Variants in DEAF1 observed in about 807,000 individuals in gnomAD.
DEAF1 encodes the protein deformed epidermal autoregulatory factor 1 homolog.
A neutral mutation model predicts 58.9 loss-of-function variants in DEAF1; 53 were observed. That is an observed-to-expected ratio of 0.90 (90% CI 0.72 to 1.13). DEAF1 has a LOEUF of 1.13. DEAF1 is among the 50% of genes most tolerant of loss of function. The pLI, the probability that DEAF1 is intolerant of heterozygous loss-of-function variation, is 0.00. For missense variants in DEAF1, 685 were observed against 791.4 expected (o/e 0.87, Z 1.61); for synonymous variants, 385 against 340.4 (o/e 1.13, Z -1.44).
At chr11:704,043 C>CA in intron 1 of DEAF1, 4 of 1,174,302 alleles carry the variant, frequency 3.4e-6, no homozygotes, top group Non-Finnish European at 4.2e-6. Flanking sequence ...TGTGTGTTTT[C>CA]TATGTTTGGA....
At chr11:699,415 T>C (rs1861343004), upstream of DEAF1, 1 of 153,276 alleles carries the variant, frequency 6.5e-6, no homozygotes, top group African/African-American at 2.5e-5. Context: ...TACTAGATAC[T>C]TAAGTCCCCC....
upstream of DEAF1, chr11:699,263 C>A (rs1861337510): frequency 7.0e-6 from 2 of 284,212 alleles, no homozygotes; most frequent in African/African-American, 4.4e-5. Flanking sequence ...CTTCCTCTCA[C>A]CCAGGCTGGA....
intron 7 of DEAF1, among the ~76,000 whole-genome samples, chr11:680,435 CCTGT>C (rs1296238315): frequency 2.0e-5 from 3 of 152,212 alleles, no homozygotes; most frequent in Non-Finnish European, 4.4e-5. Flanking sequence ...CCATTTAAAT[CCTGT>C]CTGTACAAAA....
intron 6 of DEAF1, 90 bp downstream of exon 6, chr11:684,808 G>T (rs1440199095): frequency 1.7e-6 from 2 of 1,154,018 alleles, no homozygotes; most frequent in Non-Finnish European, 2.5e-6. Flanking sequence ...GGGCAGGAGG[G>T]AAACAGCCGA....
At chr11:703,592 C>G (rs1392007690) in intron 1 of DEAF1, 7 of 1,233,160 alleles carry the variant, frequency 5.7e-6, no homozygotes, top group Admixed American at 8.4e-5. Flanking sequence ...TCCCAGTTTA[C>G]TCCGTGGCCA....
intron 11 of DEAF1, among the ~76,000 whole-genome samples, chr11:650,040 CA>C (rs1484425229): frequency 7.1e-6 from 1 of 140,270 alleles, no homozygotes; most frequent in Admixed American, 7.2e-5. Flanking sequence ...AAAACAAAAA[CA>C]AAAACAAAAA....
At chr11:679,878 G>A (rs1041454608) in intron 7 of DEAF1, 62 bp from the exon 8 acceptor site, 32 of 1,604,176 alleles carry the variant, frequency 2.0e-5, no homozygotes, top group Admixed American at 3.3e-5. Context: ...CACAGGTCCC[G>A]TGCCACCCAC....
rs6597997 is a variant in DEAF1 at position 674,458 on chromosome 11, G to A, written c.1503+78C>T. 876,377 of 1,601,288 alleles carry A rather than the reference G, an allele frequency of 0.55. 244,472 individuals are homozygous for A. The highest frequency in any genetic ancestry group is 0.73 in the East Asian group (32,943 of 44,836). ...GGCCTTGTGAGCCAAGGTGGGGCTTGCGCAGCTGGGCACAGGCACCAGGGT... is the reference window on the plus strand; with the variant it reads ...GGCCTTGTGAGCCAAGGTGGGGCTTACGCAGCTGGGCACAGGCACCAGGGT... On this transcript the variant is annotated intron_variant, in intron 10 of 11. Transcript: ENST00000382409.
Position 679,680 on chromosome 11 carries a change from C to T in DEAF1, c.1126+8G>A. 6.2e-7 allele frequency: 1 copy of T among 1,611,148 alleles called. No individual in the cohort carries two copies. On this transcript the variant is annotated splice_region_variant and intron_variant, in intron 8 of 11. Transcript: ENST00000382409. ...AGGACGCGTCAGGCAGGCACTGGAG[C>T]AGCTCACCTGTGGCCCCTGCGAAGA...
intron 10 of DEAF1, among the ~76,000 whole-genome samples, chr11:655,828 TTTATTATTA>T (rs150500228): frequency 2.0e-5 from 3 of 151,494 alleles, no homozygotes; most frequent in Non-Finnish European, 2.9e-5. Context: ...ACTTTATTTA[TTTATTATTA>T]TTATTATTTT....
chr11:678,957 T>C (rs1860207239), intron 8 of DEAF1, 135 bp from the exon 9 acceptor site: 6 of 1,164,686 alleles, frequency 5.2e-6, no homozygotes, highest in Admixed American at 2.6e-5. Flanking sequence ...GCCCCTGAAA[T>C]GTGGTGATCC....
chr11:698,071 C>T (rs931913412), upstream of DEAF1: 6 of 152,270 alleles, frequency 3.9e-5, no homozygotes, highest in African/African-American at 1.2e-4. Flanking sequence ...GCAGCTTGAG[C>T]CTCCTTTTAT....
chr11:687,113 G>A (rs1341113149), intron 4 of DEAF1, 116 bp from the exon 5 acceptor site: 3 of 1,476,930 alleles, frequency 2.0e-6, no homozygotes, highest in Admixed American at 3.6e-5. Flanking sequence ...AGCGGCTCAT[G>A]TGATCTCACC....
At chr11:684,123 CTTT>C (rs34831036) in intron 6 of DEAF1, among the ~76,000 whole-genome samples, 1 of 143,816 alleles carries the variant, frequency 7.0e-6, no homozygotes, top group Non-Finnish European at 1.5e-5. Flanking sequence ...TCTCCATGCT[CTTT>C]TTTTTTTTTT....
intron 11 of DEAF1, chr11:651,414 G>GAA (rs200274966): frequency 3.5e-3 from 821 of 233,794 alleles, no homozygotes; most frequent in Middle Eastern, 8.1e-3. Flanking sequence ...ATCTCTGTAA[G>GAA]AAAAAAAAAA....
intron 11 of DEAF1, among the ~76,000 whole-genome samples, chr11:645,620 A>C (rs1368631245): frequency 1.3e-5 from 2 of 152,146 alleles, no homozygotes; most frequent in Non-Finnish European, 2.9e-5. Context: ...GCCCCGCCCC[A>C]GTTCTGTTTT....
At chr11:674,360 T>C in intron 10 of DEAF1, 176 bp downstream of exon 10, 1 of 911,660 alleles carries the variant, frequency 1.1e-6, no homozygotes, top group Non-Finnish European at 1.7e-6. Context: ...ACAATAGCTG[T>C]CACTTTTCTT....
rs1341386687 is a variant in DEAF1, at chr11:679,172, C to T, written c.1127-350G>A. 5.9e-5 allele frequency among the ~76,000 whole-genome samples: 9 copies of T among 152,064 alleles called. No individual in the cohort carries two copies. The South Asian group carries it at 1.2e-3, about 21-fold the overall frequency. The stretch of plus-strand genomic sequence containing the variant: ...CTAAAAATACCAAAAAAAAATTAGC[C>T]GGGCATGGTGGCAGGCGCTGTAGTC... On this transcript the variant is annotated intron_variant, in intron 8 of 11. Coordinates refer to ENST00000382409, the MANE Select transcript of DEAF1 (RefSeq NM_021008.4).
intron 1 of DEAF1, chr11:703,162 C>G (rs188099718): frequency 1.9e-6 from 3 of 1,594,276 alleles, no homozygotes; most frequent in African/African-American, 1.3e-5. Context: ...TACGGACACC[C>G]GGGATACCCC....
Sources: gnomAD v4.1 joint callset for allele counts (sites outside exome capture counted in the v4.1 genomes callset) on GRCh38, gnomAD v4.1.1 for gene constraint, MANE v1.5 for transcripts, NCBI Gene and HGNC (gene_info 2026-07-23, HGNC 2026-07-21) for gene names.